The following PTPRN2 variants were observed in gnomAD, a reference collection of about 807,000 sequenced individuals.
PTPRN2 encodes the protein protein tyrosine phosphatase receptor type N2.
In PTPRN2, 74 loss-of-function variants were observed where a neutral mutation model predicts 118.8. The ratio of observed to expected loss-of-function variants is 0.62; its 90% CI spans 0.52 to 0.76. PTPRN2 has a LOEUF of 0.76. PTPRN2 is among the 30% of genes least tolerant of loss of function. The pLI is 0.00. For synonymous variants in PTPRN2, 641 were observed against 608.0 expected, an observed-to-expected ratio of 1.05 and a Z score of -0.80; for missense variants, 1,481 against 1,394.4, an observed-to-expected ratio of 1.06 and a Z score of -0.99.
chr7:157,725,324 C>T (rs1217708294), intron 12 of PTPRN2, among the ~76,000 whole-genome samples: 2 of 91,786 alleles, frequency 2.2e-5, no homozygotes, highest in South Asian at 4.0e-4. Flanking sequence ...GCCAGACCCT[C>T]GCCTCCCAGG....
intron 3 of PTPRN2, 23 bp downstream of exon 3, chr7:158,316,796 G>C: frequency 6.4e-7 from 1 of 1,563,766 alleles, no homozygotes; most frequent in African/African-American, 1.4e-5. Context: ...CAGCCGCCGA[G>C]CCTCGGCCCA....
chr7:158,144,578 G>A (rs1210676821), intron 6 of PTPRN2, among the ~76,000 whole-genome samples: 1 of 152,198 alleles, frequency 6.6e-6, no homozygotes, highest in Non-Finnish European at 1.5e-5. Flanking sequence ...GGTGGAGGTT[G>A]CAGTGAGCTA....
chr7:158,036,561 G>A (rs1808102743), intron 11 of PTPRN2, among the ~76,000 whole-genome samples: 1 of 152,030 alleles, frequency 6.6e-6, no homozygotes, highest in African/African-American at 2.4e-5. Flanking sequence ...ATATAACAGA[G>A]GGAAATCAGT....
chr7:157,901,958 C>T (rs1231553829), intron 11 of PTPRN2, among the ~76,000 whole-genome samples: 2 of 151,684 alleles, frequency 1.3e-5, no homozygotes, highest in East Asian at 3.9e-4. Context: ...TGAGGCGGGG[C>T]CTTCCCGTCC....
At chr7:158,217,215 C>A (rs1409584658) in intron 3 of PTPRN2, among the ~76,000 whole-genome samples, 2 of 152,188 alleles carry the variant, frequency 1.3e-5, no homozygotes, top group Non-Finnish European at 2.9e-5. Flanking sequence ...TGATAGAGTG[C>A]TTTCACCAGC....
chr7:158,380,282 CTA>C (rs1445649332), intron 2 of PTPRN2, among the ~76,000 whole-genome samples: 1 of 152,218 alleles, frequency 6.6e-6, no homozygotes, highest in Non-Finnish European at 1.5e-5. Context: ...TCCCTTCCAC[CTA>C]TGAGCCTGTA....
rs544404096 is a variant in PTPRN2, at chr7:158,515,412, C to G, written c.113-25627G>C. Among the ~76,000 whole-genome samples the G allele has an allele frequency of 9.2e-3, 1,395 of 152,232 alleles. 23 individuals carry two copies. Among genetic ancestry groups the G allele is most frequent in the African/African-American group, 0.031 (1,283 of 41,526 alleles). ...ATGTTGGTCAGGCTAGTCTCAAACTCCCAACCTCAGGTGATCAGCCCGCCT... is the reference window on the plus strand; with the variant it reads ...ATGTTGGTCAGGCTAGTCTCAAACTGCCAACCTCAGGTGATCAGCCCGCCT... On this transcript the variant is annotated intron_variant, in intron 1 of 22. Coordinates refer to ENST00000389418, the MANE Select transcript of PTPRN2 (RefSeq NM_002847.5).
chr7:158,496,018 G>A (rs1427520791), intron 1 of PTPRN2, among the ~76,000 whole-genome samples: 2 of 151,932 alleles, frequency 1.3e-5, no homozygotes, highest in Admixed American at 6.5e-5. Context: ...TGTGGCTTGC[G>A]GACAGGGCTT....
chr7:157,618,340 A>C lies in PTPRN2; in HGVS notation c.2344+3022T>G, dbSNP rs1802926771. ...GACTTGAAGGTTCCATCCCTAACAG[A>C]GGACAGCGTGGCCGAGTACTCATGC... is the stretch of plus-strand genomic sequence containing the variant. On this transcript the variant is annotated intron_variant, in intron 15 of 22. Coordinates refer to ENST00000389418, the MANE Select transcript of PTPRN2 (RefSeq NM_002847.5). The surrounding 1 kb of genome is among the most constrained non-coding windows in gnomAD (Gnocchi z 4.2). The C allele has an allele frequency of 6.6e-6, 1 of 152,342 alleles. No homozygotes were observed. Among genetic ancestry groups the C allele is most frequent in the Non-Finnish European group, 1.5e-5 (1 of 68,112 alleles). 9.4% of individuals were successfully genotyped at this position (152,342 alleles called of 1,614,324 possible). A position where few individuals can be genotyped will look rare whatever the true frequency, so the allele number is the denominator to read the frequency against.
intron 2 of PTPRN2, among the ~76,000 whole-genome samples, chr7:158,386,089 G>A (rs563854446): frequency 5.7e-4 from 49 of 86,416 alleles, no homozygotes; most frequent in African/African-American, 2.3e-3. Flanking sequence ...CCCTCCTCCC[G>A]TGCCCCAAGT....
At chr7:158,111,990 A>T (rs2150371307) in intron 9 of PTPRN2, among the ~76,000 whole-genome samples, 1 of 152,280 alleles carries the variant, frequency 6.6e-6, no homozygotes. Context: ...TGTCGCAAAG[A>T]CATGGGGAGA....
chr7:158,333,370 AC>A (rs1334751396), intron 2 of PTPRN2, among the ~76,000 whole-genome samples: 2 of 143,870 alleles, frequency 1.4e-5, no homozygotes, highest in East Asian at 4.1e-4. Context: ...ACTCACACCC[AC>A]ACTCGCACCA....
Position 157,764,328 on chromosome 7 carries a change from A to G in PTPRN2, c.1789-81391T>C, listed in dbSNP as rs1765038715. Among the ~76,000 whole-genome samples the G allele has an allele frequency of 6.6e-6, 1 of 152,218 alleles. No homozygotes were observed. Among genetic ancestry groups the G allele is most frequent in the Non-Finnish European group, 1.5e-5 (1 of 68,046 alleles). On this transcript the variant is annotated intron_variant, in intron 12 of 22. Transcript: ENST00000389418. The surrounding 1 kb of genome is among the most constrained non-coding windows in gnomAD (Gnocchi z 4.5). Reference sequence around the variant, plus strand: ...CAGAAGCCAAGAGGTGAGGCCACCCAAGCGTCCACCAATGGAAGAAAAGAT... The same window carrying G: ...CAGAAGCCAAGAGGTGAGGCCACCCGAGCGTCCACCAATGGAAGAAAAGAT...
Position 158,272,792 on chromosome 7 carries a change from G to C in PTPRN2, c.277+44027C>G, listed in dbSNP as rs538004385. 5.9e-5 allele frequency among the ~76,000 whole-genome samples: 9 copies of C among 152,298 alleles called. No individual in the cohort carries two copies. In the East Asian group the frequency reaches 1.7e-3, roughly 29 times the overall value. On this transcript the variant is annotated intron_variant, in intron 3 of 22. Transcript: ENST00000389418. The stretch of plus-strand genomic sequence containing the variant: ...GAAACCAGGGCCTCATAGGTGTGAG[G>C]GCCATCGGGGAGGTGCCGCCGGCAG...
At chr7:158,071,658 G>A (rs1281539875) in intron 11 of PTPRN2, among the ~76,000 whole-genome samples, 35 of 139,464 alleles carry the variant, frequency 2.5e-4, no homozygotes, top group African/African-American at 7.2e-4. Context: ...GGTGATGGAG[G>A]TGCTCGTGGT....
Position 157,877,926 on chromosome 7 carries a change from G to A in PTPRN2, c.1788+20747C>T, listed in dbSNP as rs551140894. Among the ~76,000 whole-genome samples the A allele has an allele frequency of 1.2e-4, 19 of 152,338 alleles. No individual in the cohort carries two copies. The East Asian group carries it at 3.7e-3, about 29-fold the overall frequency. On this transcript the variant is annotated intron_variant, in intron 12 of 22. Coordinates refer to ENST00000389418, the MANE Select transcript of PTPRN2 (RefSeq NM_002847.5). ...TGTCAGGGGTGAGATTTTAAAATGT[G>A]TGTGAATATAAACATTCAGCTCTGT...
chr7:157,582,392 GTGAAAAGGGGC>G (rs757506127), intron 17 of PTPRN2, among the ~76,000 whole-genome samples: 2 of 152,236 alleles, frequency 1.3e-5, no homozygotes, highest in Non-Finnish European at 2.9e-5. Flanking sequence ...CCGCACGTAT[GTGAAAAGGGGC>G]TGAATGTCAT....
intron 1 of PTPRN2, among the ~76,000 whole-genome samples, chr7:158,545,432 TA>T (rs1348312855): frequency 6.6e-6 from 1 of 152,232 alleles, no homozygotes; most frequent in African/African-American, 2.4e-5. Flanking sequence ...TATTCTCAAG[TA>T]GAACTGTCCC....
intron 12 of PTPRN2, among the ~76,000 whole-genome samples, chr7:157,747,187 G>T (rs4090445): frequency 0.011 from 555 of 49,746 alleles, 9 homozygotes; most frequent in African/African-American, 0.042. Context: ...TGTGGGGTGT[G>T]CGGGTGATTC....
Sources: allele counts gnomAD v4.1 joint callset (sites outside exome capture counted in the v4.1 genomes callset), GRCh38; gene constraint gnomAD v4.1.1; non-coding constraint Gnocchi (gnomAD v3.1); transcripts MANE v1.5; gene names NCBI Gene and HGNC (gene_info 2026-07-23, HGNC 2026-07-21).